Variants in ALMS1 observed in about 807,000 individuals in gnomAD.
ALMS1 encodes the protein centrosome-associated protein ALMS1.
ALMS1 carries 271 observed loss-of-function variants against 352.2 expected under a neutral mutation model. The observed-to-expected ratio is 0.77, with a 90% CI of 0.70 to 0.85. The LOEUF (loss-of-function observed/expected upper bound fraction) is 0.85, where lower values mean the gene tolerates loss of function less well. ALMS1 is among the 40% of genes least tolerant of loss of function. The probability of loss-of-function intolerance (pLI) is 0.00; values close to 1 mark genes in which losing one functional copy is unlikely to be tolerated. For missense variants in ALMS1, 5,445 were observed against 4,870.7 expected (o/e 1.12, Z -3.51); for synonymous variants, 1,865 against 1,761.2 (o/e 1.06, Z -1.48).
Position 73,448,670 on chromosome 2 carries a change from C to G in ALMS1, c.2143C>G (p.Pro715Ala). Residue 715 changes from proline (P) to alanine (A), a missense_variant, in exon 8 of 23, where the codon CCC (proline) becomes GCC (alanine). Physicochemically the swap from Pro to Ala is conservative, Grantham distance 27. Transcript: ENST00000613296. ...TGGGACAGCAACAGTACTCTCTACTCCCCACTCACATAGAGAGAAGCCTGG... is the reference window on the plus strand; with the variant it reads ...TGGGACAGCAACAGTACTCTCTACTGCCCACTCACATAGAGAGAAGCCTGG... Reference protein sequence around the residue: ...KTGTATVLSTPHSHREKPGIF... With the variant: ...KTGTATVLSTAHSHREKPGIF... 1 of 1,611,122 alleles carries G rather than the reference C, an allele frequency of 6.2e-7. No individual in the cohort carries two copies. The highest frequency in any genetic ancestry group is 8.5e-7 in the Non-Finnish European group (1 of 1,178,956).
At chr2:73,473,093 A>T (rs1231275720) in intron 9 of ALMS1, among the ~76,000 whole-genome samples, 1 of 152,092 alleles carries the variant, frequency 6.6e-6, no homozygotes, top group Non-Finnish European at 1.5e-5. Flanking sequence ...AGGATTGGAC[A>T]ACTCCTCAGA....
At chr2:73,408,342 G>C (rs1035493621) in intron 1 of ALMS1, among the ~76,000 whole-genome samples, 3 of 152,192 alleles carry the variant, frequency 2.0e-5, no homozygotes, top group African/African-American at 7.2e-5. Flanking sequence ...GTCTCAACCA[G>C]TAAGATTTAA....
rs1375485819 is a variant in ALMS1, at chr2:73,595,576, G to T, written c.11548-3825G>T. Among the ~76,000 whole-genome samples, 3 of 152,184 alleles carry T rather than the reference G, an allele frequency of 2.0e-5. No individual in the cohort carries two copies. The East Asian group carries it at 5.8e-4, about 29-fold the overall frequency. ...TTTGGATTGTTTGATTTTTTTGGAT[G>T]TGAATGCTGCTATTAATACTTCTGT... On this transcript the variant is annotated intron_variant, in intron 16 of 22. Transcript: ENST00000613296.
intron 12 of ALMS1, among the ~76,000 whole-genome samples, chr2:73,535,920 G>A (rs992669177): frequency 3.3e-5 from 5 of 152,070 alleles, no homozygotes; most frequent in African/African-American, 1.2e-4. Context: ...GTCTTAGGCA[G>A]ACATTTTTGT....
intron 16 of ALMS1, among the ~76,000 whole-genome samples, chr2:73,575,693 G>A (rs1283120678): frequency 6.6e-6 from 1 of 152,090 alleles, no homozygotes; most frequent in Non-Finnish European, 1.5e-5. Flanking sequence ...TTTTTGAGTT[G>A]TTGGGATTTT....
chr2:73,541,860 A>G (rs1573006754), intron 12 of ALMS1, among the ~76,000 whole-genome samples: 1 of 152,244 alleles, frequency 6.6e-6, no homozygotes, highest in African/African-American at 2.4e-5. Flanking sequence ...AGGCTCTGAA[A>G]TTGAGGCAAT....
At chr2:73,560,356 C>T (rs1319142910) in intron 15 of ALMS1, among the ~76,000 whole-genome samples, 1 of 152,120 alleles carries the variant, frequency 6.6e-6, no homozygotes, top group Non-Finnish European at 1.5e-5. Context: ...ATATCACTCA[C>T]ACCTGTTAGG....
chr2:73,565,944 A>T (rs1012254209), intron 15 of ALMS1, among the ~76,000 whole-genome samples: 2 of 152,200 alleles, frequency 1.3e-5, no homozygotes, highest in Non-Finnish European at 2.9e-5. Flanking sequence ...TGTCTTGGAT[A>T]GAATCCTGGA....
At chr2:73,487,649 A>G (rs1672881169) in intron 9 of ALMS1, among the ~76,000 whole-genome samples, 1 of 152,114 alleles carries the variant, frequency 6.6e-6, no homozygotes, top group Admixed American at 6.5e-5. Flanking sequence ...TAGTCCCACC[A>G]TTTGGTGGAT....
At chr2:73,476,819 G>T (rs1168963477) in intron 9 of ALMS1, among the ~76,000 whole-genome samples, 1 of 151,966 alleles carries the variant, frequency 6.6e-6, no homozygotes, top group Non-Finnish European at 1.5e-5. Context: ...TATTAACCTT[G>T]CATCAGATAC....
intron 1 of ALMS1, among the ~76,000 whole-genome samples, chr2:73,402,055 TGA>T (rs1558631094): frequency 1.3e-5 from 2 of 151,044 alleles, no homozygotes; most frequent in African/African-American, 2.4e-5. Flanking sequence ...TGTGTGAGTG[TGA>T]GTGTATGTGT....
intron 11 of ALMS1, among the ~76,000 whole-genome samples, chr2:73,527,711 TTTTG>T (rs1673821858): frequency 6.6e-6 from 1 of 152,120 alleles, no homozygotes; most frequent in East Asian, 1.9e-4. Context: ...CAAACAAACT[TTTTG>T]TTTCATTTTG....
At chr2:73,591,381 A>T (rs1458853751) in intron 16 of ALMS1, among the ~76,000 whole-genome samples, 1 of 152,220 alleles carries the variant, frequency 6.6e-6, no homozygotes, top group Non-Finnish European at 1.5e-5. Flanking sequence ...GCCAATAAAG[A>T]TTTTTAAATA....
In ALMS1 at chr2:73,450,277, A is replaced by G. The variant is rs897629858; in HGVS notation, c.3750A>G (p.Gln1250=). The stretch of plus-strand genomic sequence containing the variant: ...CAGAGAAGCCTGGTATTTTCTACCA[A>G]CAGGTCTTGCCAGATAATCATCCAA... The part of the protein sequence containing the change: ...SHTEKPGIFY[Q]QVLPDNHPTE... The change falls in exon 8 of 23, where the codon CAA becomes CAG. Residue 1250 remains glutamine, a synonymous_variant. Coordinates refer to ENST00000613296, the MANE Select transcript of ALMS1 (RefSeq NM_001378454.1). 6.2e-7 allele frequency: 1 copy of G among 1,614,012 alleles called. No homozygotes were observed. The highest frequency in any genetic ancestry group is 8.5e-7 in the Non-Finnish European group (1 of 1,179,978).
intron 10 of ALMS1, among the ~76,000 whole-genome samples, chr2:73,492,874 A>G (rs540658030): frequency 1.4e-4 from 22 of 152,054 alleles, no homozygotes; most frequent in African/African-American, 4.3e-4. Flanking sequence ...AATAGCTGGG[A>G]CCACAGGCGT....
chr2:73,417,069 G>A (rs772622231), intron 2 of ALMS1, among the ~76,000 whole-genome samples: 10 of 152,044 alleles, frequency 6.6e-5, no homozygotes, highest in African/African-American at 9.7e-5. Flanking sequence ...TTCTGGCCTG[G>A]TTAACAGAGC....
intron 9 of ALMS1, chr2:73,469,938 G>A (rs1242194915): frequency 6.6e-6 from 1 of 151,832 alleles, no homozygotes; most frequent in African/African-American, 2.4e-5. Flanking sequence ...TAACTCCTGT[G>A]CCATATAAAC....
chr2:73,395,072 A>ATTTTTTTTTTTTTTTTTT (rs1558628491), intron 1 of ALMS1, among the ~76,000 whole-genome samples: 1 of 107,614 alleles, frequency 9.3e-6, no homozygotes, highest in African/African-American at 4.5e-5. Flanking sequence ...ATATATATAT[A>ATTTTTTTTTTTTTTTTTT]TATATATTTT....
At chr2:73,522,042 C>CT (rs139269495) in intron 11 of ALMS1, among the ~76,000 whole-genome samples, 20,151 of 152,080 alleles carry the variant, frequency 0.13, 1,401 homozygotes, top group East Asian at 0.22. Context: ...CTCTCCAGTG[C>CT]TTTTTTCCTT....
Sources: gnomAD v4.1 joint callset for allele counts (sites outside exome capture counted in the v4.1 genomes callset) on GRCh38, gnomAD v4.1.1 for gene constraint, MANE v1.5 for transcripts, NCBI Gene and HGNC (gene_info 2026-07-23, HGNC 2026-07-21) for gene names.